VPS53: variants seen among roughly 807,000 people sequenced by gnomAD.
VPS53 encodes VPS53 subunit of GARP complex.
Under a neutral mutation model 107.0 loss-of-function variants are expected in VPS53, and 70 were observed. That is an observed-to-expected ratio of 0.65 (90% CI 0.54 to 0.80). The LOEUF (loss-of-function observed/expected upper bound fraction) is 0.80, where lower values mean the gene tolerates loss of function less well. Among genes scored for constraint, VPS53 ranks in the 30% least tolerant of loss-of-function variants. The probability of loss-of-function intolerance (pLI) is 0.00; values close to 1 mark genes in which losing one functional copy is unlikely to be tolerated. For synonymous variants in VPS53, 409 were observed against 393.3 expected, an observed-to-expected ratio of 1.04 and a Z score of -0.47; for missense variants, 917 against 1,049.4, an observed-to-expected ratio of 0.87 and a Z score of 1.74.
chr17:560,164 T>C (rs1408049344), intron 15 of VPS53, among the ~76,000 whole-genome samples: 1 of 152,236 alleles, frequency 6.6e-6, no homozygotes, highest in African/African-American at 2.4e-5. Flanking sequence ...TAACAGGTCA[T>C]GCCCTTTGAG....
chr17:586,226 C>A (rs373738694), intron 13 of VPS53, 44 bp downstream of exon 13: 1 of 1,575,112 alleles, frequency 6.3e-7, no homozygotes, highest in South Asian at 1.1e-5. Context: ...ATGACCAGAG[C>A]GGCGAGAAAT....
At chr17:676,872 CT>C (rs1247487185) in intron 4 of VPS53, among the ~76,000 whole-genome samples, 1 of 150,690 alleles carries the variant, frequency 6.6e-6, no homozygotes, top group Non-Finnish European at 1.5e-5. Flanking sequence ...GAGAGAACAT[CT>C]CCATGAGTAG....
Position 696,187 on chromosome 17 carries a change from G to T in VPS53, c.285+1231C>A, listed in dbSNP as rs149560486. ...CCAGCTACTCACAAACAGGCCAAAG[G>T]AAACTGGCTATCAAATGGAAAGTGA... On this transcript the variant is annotated intron_variant, in intron 4 of 21. Transcript: ENST00000437048. Among the ~76,000 whole-genome samples, 117 of 152,294 alleles carry T rather than the reference G, an allele frequency of 7.7e-4. 1 individual carries two copies. The East Asian group carries it at 0.013, about 16-fold the overall frequency.
chr17:706,368 C>T (rs1225022791), intron 2 of VPS53, among the ~76,000 whole-genome samples: 1 of 151,932 alleles, frequency 6.6e-6, no homozygotes, highest in Non-Finnish European at 1.5e-5. Flanking sequence ...GAAACCCCGT[C>T]TCTACTAAAA....
chr17:642,324 G>A (rs571991827), intron 7 of VPS53, among the ~76,000 whole-genome samples: 1 of 150,362 alleles, frequency 6.7e-6, no homozygotes, highest in Non-Finnish European at 1.5e-5. Context: ...TACTTGGAAA[G>A]CGAGGACAAC....
intron 4 of VPS53, among the ~76,000 whole-genome samples, chr17:673,086 TG>T (rs1972027617): frequency 7.2e-6 from 1 of 138,514 alleles, no homozygotes; most frequent in African/African-American, 2.6e-5. Context: ...CACTCCAGCC[TG>T]GGGCACAGAG....
intron 5 of VPS53, among the ~76,000 whole-genome samples, chr17:658,562 T>G (rs1428804028): frequency 6.7e-6 from 1 of 150,064 alleles, no homozygotes; most frequent in Non-Finnish European, 1.5e-5. Context: ...AACTTGGCCG[T>G]GAGTTCTTGG....
At chr17:599,795 G>A (rs1261807923) in intron 12 of VPS53, 2 of 151,296 alleles carry the variant, frequency 1.3e-5, no homozygotes, top group African/African-American at 4.9e-5. Context: ...AATGACTTGC[G>A]ATAAAACTGC....
chr17:525,018 A>T (rs1266617728), intron 19 of VPS53, among the ~76,000 whole-genome samples: 1 of 152,236 alleles, frequency 6.6e-6, no homozygotes, highest in East Asian at 1.9e-4. Context: ...AAAGTTTGGA[A>T]ACAACCTACA....
chr17:613,224 AG>A (rs1773001419), intron 11 of VPS53, among the ~76,000 whole-genome samples: 2 of 151,474 alleles, frequency 1.3e-5, no homozygotes, highest in African/African-American at 4.8e-5. Context: ...GAGTTCACAC[AG>A]TGAAAACCTG....
chr17:529,683 G>C (rs1310650932), intron 19 of VPS53, among the ~76,000 whole-genome samples: 1 of 152,096 alleles, frequency 6.6e-6, no homozygotes, highest in Non-Finnish European at 1.5e-5. Context: ...ACAGTTTTCT[G>C]TGTAGAAGAC....
intron 17 of VPS53, among the ~76,000 whole-genome samples, chr17:539,707 G>C (rs1452587129): frequency 6.6e-6 from 1 of 152,166 alleles, no homozygotes; most frequent in East Asian, 1.9e-4. Context: ...TCCCCCATGG[G>C]TGACTGAAGG....
chr17:551,861 C>T lies in VPS53; in HGVS notation c.1866+11G>A. 1 of 1,586,822 alleles carries T rather than the reference C, an allele frequency of 6.3e-7. No homozygotes were observed. Among genetic ancestry groups the T allele is most frequent in the Non-Finnish European group, 8.6e-7 (1 of 1,164,966 alleles). On this transcript the variant is annotated intron_variant, in intron 17 of 21. Transcript: ENST00000437048. ...CGTTAGTTTGTAGGATGCCATTTCC[C>T]AAGACCTTACCTTGCTCATGGCAGT...
At chr17:711,966 G>T (rs543070487) in intron 1 of VPS53, among the ~76,000 whole-genome samples, 1 of 151,886 alleles carries the variant, frequency 6.6e-6, no homozygotes, top group African/African-American at 2.4e-5. Flanking sequence ...ACAGGCGCTC[G>T]CCACCATACC....
rs1908603921 is a variant in VPS53 at position 520,019 on chromosome 17, C to T, written c.2224-89G>A. ...GCGGGCCCTCAAGAAAACTCACTAC[C>T]CACCGCAGGAGGAGACGGGAGCGGG... is the stretch of plus-strand genomic sequence containing the variant. On this transcript the variant is annotated intron_variant, in intron 20 of 21. Coordinates refer to ENST00000437048, the MANE Select transcript of VPS53 (RefSeq NM_001128159.3). This position sits in a 1 kb window ranked among gnomAD's most constrained non-coding sequence, Gnocchi z 4.4. 1.0e-5 allele frequency: 9 copies of T among 890,228 alleles called. No homozygotes were observed. Among genetic ancestry groups the T allele is most frequent in the Middle Eastern group, 3.0e-4 (1 of 3,296 alleles). 55.1% of individuals were successfully genotyped at this position (890,228 alleles called of 1,614,324 possible).
At chr17:553,860 G>GT (rs1912099189) in intron 15 of VPS53, among the ~76,000 whole-genome samples, 1 of 152,132 alleles carries the variant, frequency 6.6e-6, no homozygotes, top group East Asian at 1.9e-4. Flanking sequence ...GTGAGCCACT[G>GT]TGCCTGGCCA....
intron 17 of VPS53, among the ~76,000 whole-genome samples, chr17:545,403 T>C (rs1300349657): frequency 2.6e-5 from 4 of 152,172 alleles, no homozygotes; most frequent in Non-Finnish European, 5.9e-5. Context: ...CAGAAGCCCT[T>C]CTGCTATCAG....
intron 4 of VPS53, among the ~76,000 whole-genome samples, chr17:662,675 C>T (rs540486030): frequency 3.6e-5 from 5 of 137,038 alleles, no homozygotes; most frequent in East Asian, 2.2e-4. Flanking sequence ...GGTGACAGAG[C>T]GAGACTCCAA....
At chr17:523,541 C>T (rs1908906063) in intron 19 of VPS53, 1 of 152,194 alleles carries the variant, frequency 6.6e-6, no homozygotes, top group East Asian at 1.9e-4. Context: ...TAAGTAACGA[C>T]AGATACTATG....
Sources: gnomAD v4.1 joint callset for allele counts (sites outside exome capture counted in the v4.1 genomes callset) on GRCh38, gnomAD v4.1.1 for gene constraint, Gnocchi (gnomAD v3.1) non-coding constraint, MANE v1.5 for transcripts, NCBI Gene and HGNC (gene_info 2026-07-23, HGNC 2026-07-21) for gene names.